Variants in NPHP1 observed in about 807,000 individuals in gnomAD.
NPHP1 encodes nephrocystin-1.
In NPHP1, 70 loss-of-function variants were observed where a neutral mutation model predicts 90.4. That is an observed-to-expected ratio of 0.77 (90% confidence interval 0.64 to 0.95). The LOEUF (loss-of-function observed/expected upper bound fraction) is 0.95. Ranked by LOEUF, NPHP1 falls within the 40% of genes least tolerant of loss-of-function variation. The pLI is 0.00. For missense variants in NPHP1, 764 were observed against 795.9 expected (o/e 0.96, Z 0.48); for synonymous variants, 256 against 271.7 (o/e 0.94, Z 0.57).
Position 110,185,223 on chromosome 2 carries a change from C to T in NPHP1, c.144-5539G>A, listed in dbSNP as rs544338601. ...TCACCTCTCTCTGAAGTTAACTCCA[C>T]TTTAAAACTCGCTTTGTTGAGTCAG... On this transcript the variant is annotated intron_variant, in intron 2 of 19. Transcript: ENST00000445609. 1.2e-5 allele frequency: 6 copies of T among 518,602 alleles called. No individual in the cohort carries two copies. In the East Asian group the frequency reaches 3.1e-4, roughly 27 times the overall value. 32.1% of individuals were successfully genotyped at this position (518,602 alleles called of 1,614,324 possible).
intron 2 of NPHP1, among the ~76,000 whole-genome samples, chr2:110,198,679 C>T (rs941976587): frequency 2.0e-5 from 3 of 152,072 alleles, no homozygotes; most frequent in Non-Finnish European, 2.9e-5. Context: ...GGGTTAGAGC[C>T]GGCCCTATTC....
intron 2 of NPHP1, among the ~76,000 whole-genome samples, chr2:110,187,659 A>G (rs1000024613): frequency 7.9e-5 from 12 of 152,146 alleles, no homozygotes; most frequent in African/African-American, 2.7e-4. Context: ...ACTCCTCCCT[A>G]ACTGATTGTA....
chr2:110,138,047 C>A (rs1466682681), intron 16 of NPHP1, among the ~76,000 whole-genome samples: 1 of 151,858 alleles, frequency 6.6e-6, no homozygotes, highest in Non-Finnish European at 1.5e-5. Context: ...AAGCTGGAAA[C>A]CATCATTCTC....
chr2:110,176,674 G>A (rs1198631909), intron 4 of NPHP1, among the ~76,000 whole-genome samples: 1 of 152,094 alleles, frequency 6.6e-6, no homozygotes, highest in Non-Finnish European at 1.5e-5. Flanking sequence ...ACCTACCTCA[G>A]CTTTGTCTTT....
chr2:110,143,356 A>T (rs1680786914), intron 16 of NPHP1, among the ~76,000 whole-genome samples, 186 bp downstream of exon 16: 2 of 152,196 alleles, frequency 1.3e-5, no homozygotes, highest in South Asian at 4.1e-4. Flanking sequence ...GCTAACTAGT[A>T]AATAGAAGAG....
chr2:110,201,624 T>C, intron 1 of NPHP1, 130 bp from the exon 2 acceptor site: 1 of 675,470 alleles, frequency 1.5e-6, no homozygotes, highest in Non-Finnish European at 2.5e-6. Context: ...AATTTTACAG[T>C]GAAAACCCAT....
At chr2:110,151,050 C>T (rs1459855735) in intron 11 of NPHP1, among the ~76,000 whole-genome samples, 1 of 150,928 alleles carries the variant, frequency 6.6e-6, no homozygotes, top group Admixed American at 6.6e-5. Flanking sequence ...CCTGTAATTC[C>T]AGCTACTCAG....
chr2:110,154,608 G>A (rs1029359610), intron 11 of NPHP1, among the ~76,000 whole-genome samples: 1 of 152,140 alleles, frequency 6.6e-6, no homozygotes, highest in African/African-American at 2.4e-5. Context: ...TGATGGAGAT[G>A]AGGAACTTGT....
At chr2:110,204,608 G>A (rs186645192) in intron 1 of NPHP1, among the ~76,000 whole-genome samples, 1 of 152,236 alleles carries the variant, frequency 6.6e-6, no homozygotes, top group Non-Finnish European at 1.5e-5. Flanking sequence ...TGTTAGGGTA[G>A]GAGGTTGAGA....
At chr2:110,190,334 G>A (rs1201516740) in intron 2 of NPHP1, among the ~76,000 whole-genome samples, 2 of 152,188 alleles carry the variant, frequency 1.3e-5, no homozygotes, top group Admixed American at 6.5e-5. Flanking sequence ...CAGAGGGCGG[G>A]GAGGCTCAGG....
chr2:110,169,298 C>A (rs1682946503), intron 5 of NPHP1, among the ~76,000 whole-genome samples: 1 of 152,048 alleles, frequency 6.6e-6, no homozygotes, highest in South Asian at 2.1e-4. Flanking sequence ...CATATATTCA[C>A]TTAAATTTCT....
chr2:110,173,328 C>T (rs1683297050), intron 4 of NPHP1, among the ~76,000 whole-genome samples: 1 of 152,078 alleles, frequency 6.6e-6, no homozygotes, highest in African/African-American at 2.4e-5. Context: ...TACATAATTT[C>T]AAACTCTTGA....
At chr2:110,166,514 T>G (rs1027458719) in intron 6 of NPHP1, among the ~76,000 whole-genome samples, 1 of 152,200 alleles carries the variant, frequency 6.6e-6, no homozygotes, top group Non-Finnish European at 1.5e-5. Flanking sequence ...CAGCAGCTTA[T>G]GCCTTTTGAA....
intron 2 of NPHP1, among the ~76,000 whole-genome samples, chr2:110,193,839 G>C (rs952102483): frequency 1.5e-4 from 23 of 152,060 alleles, no homozygotes; most frequent in African/African-American, 5.1e-4. Flanking sequence ...AACTAGAACT[G>C]AGGATTAAGA....
intron 18 of NPHP1, chr2:110,127,673 C>T (rs1559042404): frequency 6.6e-6 from 1 of 152,056 alleles, no homozygotes; most frequent in Non-Finnish European, 1.5e-5. Flanking sequence ...TGGGTGCACC[C>T]AGAGCTGACC....
At chr2:110,174,156 T>C (rs1373831759) in intron 4 of NPHP1, among the ~76,000 whole-genome samples, 1 of 152,130 alleles carries the variant, frequency 6.6e-6, no homozygotes, top group Non-Finnish European at 1.5e-5. Flanking sequence ...CTAAATAGTA[T>C]ATATTTGGGT....
intron 2 of NPHP1, among the ~76,000 whole-genome samples, chr2:110,187,021 C>T (rs1439006469): frequency 6.6e-6 from 1 of 152,080 alleles, no homozygotes; most frequent in Admixed American, 6.5e-5. Context: ...GCAGCTAAAG[C>T]AGTGTTCAGA....
chr2:110,125,204 C>A, intron 19 of NPHP1: 2 of 1,533,606 alleles, frequency 1.3e-6, no homozygotes, highest in South Asian at 2.4e-5. Flanking sequence ...AAAGCAAGTT[C>A]GGATTGGTAA....
At chr2:110,147,429 CA>C (rs1217456918) in intron 13 of NPHP1, among the ~76,000 whole-genome samples, 1 of 152,136 alleles carries the variant, frequency 6.6e-6, no homozygotes, top group Admixed American at 6.5e-5. Flanking sequence ...CTATACCTAT[CA>C]AGCTATTATT....
Sources: allele counts gnomAD v4.1 joint callset (sites outside exome capture counted in the v4.1 genomes callset), GRCh38; gene constraint gnomAD v4.1.1; transcripts MANE v1.5; gene names NCBI Gene and HGNC (gene_info 2026-07-23, HGNC 2026-07-21).